TMEM132C: variants seen among roughly 807,000 people sequenced by gnomAD.
TMEM132C encodes protein phosphatase 1, regulatory subunit 152.
TMEM132C carries 29 observed loss-of-function variants against 61.4 expected under a neutral mutation model. The observed-to-expected ratio is 0.47, with a 90% CI of 0.35 to 0.64. The LOEUF is 0.64. Ranked by LOEUF, TMEM132C falls within the 30% of genes least tolerant of loss-of-function variation. TMEM132C has a pLI of 0.00. For synonymous variants in TMEM132C, 656 were observed against 633.1 expected (o/e 1.04, Z -0.54); for missense variants, 1,408 against 1,476.9 (o/e 0.95, Z 0.76).
rs1047216331 is a variant in TMEM132C at position 128,707,116 on chromosome 12, G to A, written c.*821G>A. The stretch of plus-strand genomic sequence containing the variant: ...TGTACAATTGGAGGGAGCCCTCAGA[G>A]CCTTCTGGGGGAGGAGAGGAACTGT... On this transcript the variant is annotated 3_prime_UTR_variant, in exon 9 of 9. Coordinates refer to ENST00000435159, the MANE Select transcript of TMEM132C (RefSeq NM_001136103.3). 2 of 152,020 alleles carry A rather than the reference G, an allele frequency of 1.3e-5. No individual in the cohort carries two copies. Among genetic ancestry groups the A allele is most frequent in the African/African-American group, 2.4e-5 (1 of 41,370 alleles). The allele number at this position is 152,020 out of a possible 1,614,324, so 9.4% of individuals were successfully genotyped here.
At chr12:128,431,250 A>G (rs1869376082) in intron 2 of TMEM132C, among the ~76,000 whole-genome samples, 1 of 152,222 alleles carries the variant, frequency 6.6e-6, no homozygotes. Flanking sequence ...GCCAAAGCCT[A>G]ATCCAGAGCA....
intron 2 of TMEM132C, among the ~76,000 whole-genome samples, chr12:128,504,502 A>G (rs1281049233): frequency 6.6e-6 from 1 of 152,142 alleles, no homozygotes; most frequent in Non-Finnish European, 1.5e-5. Flanking sequence ...CAGCTTAACC[A>G]TCAGGAATTT....
At chr12:128,341,084 G>A (rs1417770195) in intron 1 of TMEM132C, among the ~76,000 whole-genome samples, 1 of 151,924 alleles carries the variant, frequency 6.6e-6, no homozygotes, top group Non-Finnish European at 1.5e-5. Flanking sequence ...GGGATTACAG[G>A]TACCCACTAC....
chr12:128,468,700 A>G (rs1222253860), intron 2 of TMEM132C, among the ~76,000 whole-genome samples: 1 of 152,238 alleles, frequency 6.6e-6, no homozygotes, highest in Non-Finnish European at 1.5e-5. Context: ...GCTTTGGCAA[A>G]GTCAGAATTT....
intron 5 of TMEM132C, among the ~76,000 whole-genome samples, chr12:128,674,126 C>T (rs766049857): frequency 1.3e-5 from 2 of 152,240 alleles, no homozygotes; most frequent in African/African-American, 2.4e-5. Context: ...CCATTCCCAT[C>T]CCTGGCCCCT....
At chr12:128,554,120 C>A (rs1270520241) in intron 3 of TMEM132C, among the ~76,000 whole-genome samples, 2 of 152,262 alleles carry the variant, frequency 1.3e-5, no homozygotes, top group East Asian at 3.8e-4. Context: ...CTTCATCAGT[C>A]CCCTAGAGGG....
chr12:128,598,375 G>A (rs1227231833), intron 3 of TMEM132C, among the ~76,000 whole-genome samples: 1 of 152,178 alleles, frequency 6.6e-6, no homozygotes, highest in African/African-American at 2.4e-5. Flanking sequence ...GGCGGAGATT[G>A]CAGTGAGCCA....
Position 128,638,941 on chromosome 12 carries a change from GTGA to G in TMEM132C, c.1305+22612_1305+22614del, listed in dbSNP as rs1478396580. On this transcript the variant is annotated intron_variant, in intron 4 of 8. Coordinates refer to ENST00000435159, the MANE Select transcript of TMEM132C (RefSeq NM_001136103.3). ...GGTGGTGATGGTGATGGTGGTGATG[GTGA>G]TGATGGTGGTGATGGTGATGGTGGT... is the stretch of plus-strand genomic sequence containing the variant. Among the ~76,000 whole-genome samples, 218 of 120,398 alleles carry G rather than the reference GTGA, an allele frequency of 1.8e-3. 3 individuals are homozygous for G. Among genetic ancestry groups the G allele is most frequent in the African/African-American group, 6.4e-3 (208 of 32,690 alleles). The allele number at this position is 120,398 out of a possible 152,430, so 79.0% of individuals were successfully genotyped here. A position where few individuals can be genotyped will look rare whatever the true frequency, so the allele number is the denominator to read the frequency against.
intron 3 of TMEM132C, among the ~76,000 whole-genome samples, chr12:128,585,164 T>G (rs1195321159): frequency 6.6e-6 from 1 of 152,252 alleles, no homozygotes; most frequent in Non-Finnish European, 1.5e-5. Flanking sequence ...CACTATGTTC[T>G]TGATGCCAAA....
intron 1 of TMEM132C, 125 bp downstream of exon 1, chr12:128,267,612 C>A: frequency 1.3e-6 from 1 of 775,864 alleles, no homozygotes; most frequent in Non-Finnish European, 1.7e-6. Context: ...CGGATCCCAT[C>A]AACAGCGCCT....
intron 1 of TMEM132C, among the ~76,000 whole-genome samples, chr12:128,398,952 A>G (rs1281991485): frequency 1.3e-5 from 2 of 152,192 alleles, no homozygotes; most frequent in East Asian, 1.9e-4. Flanking sequence ...CTCAGTTTAA[A>G]TGTCCTTTTC....
At chr12:128,472,188 A>G (rs951426376) in intron 2 of TMEM132C, among the ~76,000 whole-genome samples, 1 of 152,152 alleles carries the variant, frequency 6.6e-6, no homozygotes, top group East Asian at 1.9e-4. Context: ...GGGCTACATA[A>G]TAACTCGGGT....
intron 2 of TMEM132C, among the ~76,000 whole-genome samples, chr12:128,509,677 C>T (rs149731271): frequency 1.5e-3 from 221 of 152,098 alleles, no homozygotes; most frequent in Non-Finnish European, 2.5e-3. Context: ...GGGGTAGGGA[C>T]GGCTGGAGAA....
At chr12:128,550,758 C>G (rs952974004) in intron 3 of TMEM132C, among the ~76,000 whole-genome samples, 3 of 152,206 alleles carry the variant, frequency 2.0e-5, no homozygotes, top group African/African-American at 4.8e-5. Context: ...GGGAACAATT[C>G]AGTCTGTAAT....
intron 3 of TMEM132C, among the ~76,000 whole-genome samples, chr12:128,586,789 C>A (rs965587965): frequency 6.6e-6 from 1 of 152,228 alleles, no homozygotes; most frequent in Non-Finnish European, 1.5e-5. Flanking sequence ...CCTGAAGCCA[C>A]GTCTGGCTCA....
At chr12:128,352,011 G>A (rs1873351210) in intron 1 of TMEM132C, among the ~76,000 whole-genome samples, 1 of 152,162 alleles carries the variant, frequency 6.6e-6, no homozygotes, top group Non-Finnish European at 1.5e-5. Context: ...CCTGTCTGAA[G>A]GCTGTCAGGC....
chr12:128,475,797 G>A lies in TMEM132C; in HGVS notation c.974+60177G>A, dbSNP rs115642093. On this transcript the variant is annotated intron_variant, in intron 2 of 8. Coordinates refer to ENST00000435159, the MANE Select transcript of TMEM132C (RefSeq NM_001136103.3). ...GGGTTCTGTGTGTAACTTCACAGAA[G>A]CCTCCCAGCAGTCCTGTACGAGGTA... 3.5e-3 allele frequency among the ~76,000 whole-genome samples: 531 copies of A among 152,290 alleles called. 1 individual carries two copies. The highest frequency in any genetic ancestry group is 0.012 in the African/African-American group (515 of 41,562).
At chr12:128,381,153 CA>C (rs758708710) in intron 1 of TMEM132C, among the ~76,000 whole-genome samples, 1 of 152,224 alleles carries the variant, frequency 6.6e-6, no homozygotes, top group Non-Finnish European at 1.5e-5. Flanking sequence ...CAGGACAGTA[CA>C]ACGCGGGCAT....
chr12:128,634,010 A>G (rs1327724201), intron 4 of TMEM132C, among the ~76,000 whole-genome samples: 1 of 152,250 alleles, frequency 6.6e-6, no homozygotes, highest in Non-Finnish European at 1.5e-5. Context: ...AAAATATTCT[A>G]GACTTTGAGT....
Sources: gnomAD v4.1 joint callset for allele counts (sites outside exome capture counted in the v4.1 genomes callset) on GRCh38, gnomAD v4.1.1 for gene constraint, MANE v1.5 for transcripts, NCBI Gene and HGNC (gene_info 2026-07-23, HGNC 2026-07-21) for gene names.